The following CNTNAP2 variants were observed in gnomAD, a reference collection of about 807,000 sequenced individuals.
CNTNAP2 encodes the protein contactin associated protein 2.
CNTNAP2 carries 98 observed loss-of-function variants against 155.2 expected under a neutral mutation model. That is an observed-to-expected ratio of 0.63 (90% CI 0.54 to 0.75). CNTNAP2 has a LOEUF of 0.75. CNTNAP2 is among the 30% of genes least tolerant of loss of function. The pLI is 0.00. For missense variants in CNTNAP2, 1,727 were observed against 1,688.1 expected (o/e 1.02, Z -0.40); for synonymous variants, 651 against 631.2 (o/e 1.03, Z -0.47).
intron 8 of CNTNAP2, among the ~76,000 whole-genome samples, chr7:147,288,024 C>T (rs1805222187): frequency 6.6e-6 from 1 of 152,062 alleles, no homozygotes; most frequent in Non-Finnish European, 1.5e-5. Flanking sequence ...TCAGTCCTTC[C>T]CCCTTACCTT....
intron 1 of CNTNAP2, among the ~76,000 whole-genome samples, chr7:146,769,427 T>C (rs1425421082): frequency 1.3e-5 from 2 of 152,162 alleles, no homozygotes; most frequent in Non-Finnish European, 2.9e-5. Context: ...GCATAATGAG[T>C]GATAACCATT....
intron 12 of CNTNAP2, among the ~76,000 whole-genome samples, chr7:147,602,084 G>A (rs2107858): frequency 6.6e-6 from 1 of 151,354 alleles, no homozygotes; most frequent in Non-Finnish European, 1.5e-5. Flanking sequence ...TCTACTTGTC[G>A]TTCTTTTGTG....
chr7:147,662,244 T>G (rs1179039963), intron 13 of CNTNAP2, among the ~76,000 whole-genome samples: 1 of 152,222 alleles, frequency 6.6e-6, no homozygotes, highest in African/African-American at 2.4e-5. Flanking sequence ...CTTTGCCCTT[T>G]ACAAACCATG....
At chr7:147,498,948 A>G (rs1270632386) in intron 11 of CNTNAP2, among the ~76,000 whole-genome samples, 1 of 91,472 alleles carries the variant, frequency 1.1e-5, no homozygotes, top group Non-Finnish European at 2.6e-5. Flanking sequence ...ATGTGGTAAT[A>G]AAAAAAAAAT....
At chr7:147,468,046 G>A (rs1393897800) in intron 10 of CNTNAP2, among the ~76,000 whole-genome samples, 3 of 152,000 alleles carry the variant, frequency 2.0e-5, no homozygotes, top group Non-Finnish European at 2.9e-5. Context: ...AACTGTGGGA[G>A]GCCAAGGCGG....
chr7:146,522,340 A>G (rs1484853067), intron 1 of CNTNAP2, among the ~76,000 whole-genome samples: 2 of 152,108 alleles, frequency 1.3e-5, no homozygotes, highest in African/African-American at 4.8e-5. Flanking sequence ...AAACTTAGTT[A>G]TCTCAAGTCA....
chr7:146,808,136 C>T (rs1465655133), intron 2 of CNTNAP2, among the ~76,000 whole-genome samples: 1 of 152,194 alleles, frequency 6.6e-6, no homozygotes, highest in Admixed American at 6.5e-5. Context: ...TGCCATCTCT[C>T]AAGCACATTC....
At chr7:146,918,345 C>T (rs1393293301) in intron 3 of CNTNAP2, among the ~76,000 whole-genome samples, 1 of 151,902 alleles carries the variant, frequency 6.6e-6, no homozygotes, top group Non-Finnish European at 1.5e-5. Context: ...AGATTTAGAG[C>T]TCCTTTTAGC....
At chr7:147,767,913 C>T (rs1186015224) in intron 13 of CNTNAP2, among the ~76,000 whole-genome samples, 1 of 152,008 alleles carries the variant, frequency 6.6e-6, no homozygotes, top group East Asian at 1.9e-4. Flanking sequence ...TCTATGGGAG[C>T]CTGTAAATTG....
intron 16 of CNTNAP2, among the ~76,000 whole-genome samples, chr7:148,142,790 A>G (rs79705502): frequency 0.02 from 3,016 of 152,338 alleles, 105 homozygotes; most frequent in African/African-American, 0.068. Context: ...TTATCGCTCA[A>G]TATACTAAGC....
rs80009989 is a variant in CNTNAP2 at position 146,792,054 on chromosome 7, G to A, written c.208+17673G>A. 5.9e-3 allele frequency among the ~76,000 whole-genome samples: 891 copies of A among 152,150 alleles called. 6 individuals are homozygous for A. Among genetic ancestry groups the A allele is most frequent in the African/African-American group, 0.02 (832 of 41,502 alleles). On this transcript the variant is annotated intron_variant, in intron 2 of 23. Coordinates refer to ENST00000361727, the MANE Select transcript of CNTNAP2 (RefSeq NM_014141.6). ...CGGGAATAACAGAAAGGCAGAAATC[G>A]GGAAATAAAAATCCTGTTGCCGAAT...
chr7:148,112,449 G>A (rs1428067771), intron 15 of CNTNAP2, among the ~76,000 whole-genome samples: 1 of 135,696 alleles, frequency 7.4e-6, no homozygotes, highest in Non-Finnish European at 1.7e-5. Context: ...TTATTATAGT[G>A]TCTTACTGTT....
intron 11 of CNTNAP2, among the ~76,000 whole-genome samples, chr7:147,514,850 CTCTG>C (rs969932184): frequency 6.6e-6 from 1 of 152,150 alleles, no homozygotes; most frequent in African/African-American, 2.4e-5. Flanking sequence ...CACCATCGTC[CTCTG>C]TCTGTTTTTG....
intron 6 of CNTNAP2, among the ~76,000 whole-genome samples, chr7:147,127,122 T>C (rs1801256902): frequency 6.6e-6 from 1 of 152,198 alleles, no homozygotes; most frequent in African/African-American, 2.4e-5. Context: ...GTACTCCATT[T>C]TAGTATCAAA....
At chr7:146,497,891 A>G (rs1243030711) in intron 1 of CNTNAP2, among the ~76,000 whole-genome samples, 2 of 135,286 alleles carry the variant, frequency 1.5e-5, no homozygotes, top group Non-Finnish European at 3.1e-5. Context: ...ATACAATTAT[A>G]TATGTTTATT....
intron 1 of CNTNAP2, among the ~76,000 whole-genome samples, chr7:146,287,078 G>A (rs567664158): frequency 2.0e-5 from 3 of 152,282 alleles, no homozygotes; most frequent in African/African-American, 7.2e-5. Flanking sequence ...CAAAATGAAT[G>A]TGAACTTAAA....
chr7:146,902,425 T>C (rs1796023059), intron 3 of CNTNAP2, among the ~76,000 whole-genome samples: 1 of 152,234 alleles, frequency 6.6e-6, no homozygotes, highest in Non-Finnish European at 1.5e-5. Flanking sequence ...GGAACTTATA[T>C]GACACTTGGG....
chr7:146,720,497 A>G (rs908006625), intron 1 of CNTNAP2, among the ~76,000 whole-genome samples: 1 of 152,140 alleles, frequency 6.6e-6, no homozygotes, highest in African/African-American at 2.4e-5. Context: ...GATGCCTATA[A>G]GTAAAAATTG....
At chr7:146,735,950 G>C (rs1801612106) in intron 1 of CNTNAP2, among the ~76,000 whole-genome samples, 1 of 152,082 alleles carries the variant, frequency 6.6e-6, no homozygotes, top group South Asian at 2.1e-4. Context: ...CCAAGTGACA[G>C]ATATGCTACT....
Sources: allele counts gnomAD v4.1 joint callset (sites outside exome capture counted in the v4.1 genomes callset), GRCh38; gene constraint gnomAD v4.1.1; transcripts MANE v1.5; gene names NCBI Gene and HGNC (gene_info 2026-07-23, HGNC 2026-07-21).